The following FGFR1 variants were observed in gnomAD, a reference collection of about 807,000 sequenced individuals.
FGFR1 encodes the protein fibroblast growth factor receptor 1, also known as FGFR1/PLAG1 fusion.
FGFR1 carries 18 observed loss-of-function variants against 93.7 expected under a neutral mutation model. That is an observed-to-expected ratio of 0.19 (90% CI 0.13 to 0.28). FGFR1 has a LOEUF of 0.28. FGFR1 is among the 10% of genes least tolerant of loss of function. The pLI is 1.00. For synonymous variants in FGFR1, 448 were observed against 429.3 expected (o/e 1.04, Z -0.54); for missense variants, 731 against 1,080.4 (o/e 0.68, Z 4.53).
rs764353819 is a variant in FGFR1 at position 38,414,027 on chromosome 8, C to T, written c.2187-4G>A. 2.0e-5 allele frequency: 33 copies of T among 1,613,780 alleles called. No individual in the cohort carries two copies. The highest frequency in any genetic ancestry group is 5.0e-5 in the Admixed American group (3 of 59,972). ...GCAGTCCCGCATCATCATGTACCTG[C>T]GGCAGGACTGTAAGGTCAGGGACGT... is the stretch of plus-strand genomic sequence containing the variant. On this transcript the variant is annotated splice_polypyrimidine_tract_variant and splice_region_variant and intron_variant, in intron 16 of 17. Transcript: ENST00000447712.
At position 38,457,373 on chromosome 8, in the gene FGFR1, G is replaced by A. The variant is rs149206728; in HGVS notation, c.74C>T (p.Pro25Leu). The A allele has an allele frequency of 9.9e-6, 16 of 1,613,490 alleles. No individual in the cohort carries two copies. Among genetic ancestry groups the A allele is most frequent in the African/African-American group, 8.0e-5 (6 of 75,046 alleles). The change falls in exon 2 of 18, where the codon CCG becomes CTG. Residue 25 changes from proline (P) to leucine (L), a missense_variant. Transcript: ENST00000447712. ...CACCTTACCTTGTTCAGGCAAGGTC[G>A]GGGACGGCCTAGCGGTGCAGAGTGT... ...TATLCTARPS[P>L]TLPEQAQPWG...
chr8:38,451,888 T>G (rs1380809983), intron 2 of FGFR1, among the ~76,000 whole-genome samples: 1 of 151,740 alleles, frequency 6.6e-6, no homozygotes, highest in African/African-American at 2.4e-5. Flanking sequence ...GACAGACAAA[T>G]GCACCCTCTG....
chr8:38,422,636 A>C, intron 7 of FGFR1: 1 of 288,658 alleles, frequency 3.5e-6, no homozygotes, highest in South Asian at 7.7e-5. Context: ...TCCTGGCTTC[A>C]AGCGATCCTC....
intron 2 of FGFR1, among the ~76,000 whole-genome samples, chr8:38,455,134 C>T (rs999583057): frequency 1.3e-5 from 2 of 152,052 alleles, no homozygotes; most frequent in Non-Finnish European, 2.9e-5. Context: ...TGCCACCACA[C>T]CTGGCTAATT....
At chr8:38,418,174 T>C in intron 10 of FGFR1, 54 bp downstream of exon 10, 1 of 1,613,376 alleles carries the variant, frequency 6.2e-7, no homozygotes, top group Non-Finnish European at 8.5e-7. Context: ...CTTCCACCAC[T>C]AGAATAGCAA....
rs2150920943 is a variant in FGFR1, at chr8:38,428,105, A to G, written c.449-12T>C. ...ATATGGAGCTACGGCTGCCCGGGGA[A>G]AGCCAAGAGAGACAGGCAGGGTGGA... is the stretch of plus-strand genomic sequence containing the variant. On this transcript the variant is annotated splice_polypyrimidine_tract_variant and intron_variant, in intron 4 of 17. Coordinates refer to ENST00000447712, the MANE Select transcript of FGFR1 (RefSeq NM_023110.3). 1 of 1,613,968 alleles carries G rather than the reference A, an allele frequency of 6.2e-7. No individual in the cohort carries two copies. The highest frequency in any genetic ancestry group is 8.5e-7 in the Non-Finnish European group (1 of 1,180,048).
chr8:38,419,396 A>C, intron 9 of FGFR1, 137 bp downstream of exon 9: 1 of 798,848 alleles, frequency 1.3e-6, no homozygotes, highest in East Asian at 2.6e-5. Flanking sequence ...CACTTAGTTC[A>C]TGATATTCCA....
At chr8:38,457,624 G>A in intron 1 of FGFR1, 90 bp from the exon 2 acceptor site, 2 of 1,331,964 alleles carry the variant, frequency 1.5e-6, no homozygotes, top group South Asian at 1.3e-5. Context: ...CCATGTGGTG[G>A]CTGCTTAAAG....
intron 7 of FGFR1, chr8:38,422,958 G>T: frequency 1.3e-6 from 1 of 758,638 alleles, no homozygotes; most frequent in Non-Finnish European, 2.5e-6. Context: ...TGGCTTCCCC[G>T]CCTGCCCCAG....
chr8:38,452,558 T>C (rs889279064), intron 2 of FGFR1, among the ~76,000 whole-genome samples: 9 of 152,186 alleles, frequency 5.9e-5, no homozygotes, highest in African/African-American at 2.2e-4. Context: ...AGATGGGGTC[T>C]TGCTATGTTG....
chr8:38,439,538 C>T (rs1035463476), intron 2 of FGFR1, among the ~76,000 whole-genome samples: 2 of 152,182 alleles, frequency 1.3e-5, no homozygotes, highest in Admixed American at 6.5e-5. Flanking sequence ...AGGGTCCCGG[C>T]TTTCAAGTCC....
At chr8:38,454,356 A>C (rs1001725827) in intron 2 of FGFR1, among the ~76,000 whole-genome samples, 2 of 152,100 alleles carry the variant, frequency 1.3e-5, no homozygotes, top group African/African-American at 4.8e-5. Context: ...CACATTCTCA[A>C]ACCTCAACTA....
chr8:38,443,801 C>T (rs1828374936), intron 2 of FGFR1, among the ~76,000 whole-genome samples: 2 of 151,758 alleles, frequency 1.3e-5, no homozygotes, highest in African/African-American at 4.8e-5. Context: ...CGCCTGTAAA[C>T]CCAGCACTTT....
intron 2 of FGFR1, among the ~76,000 whole-genome samples, chr8:38,448,613 TA>T (rs913309670): frequency 2.0e-5 from 3 of 152,092 alleles, no homozygotes; most frequent in Non-Finnish European, 4.4e-5. Flanking sequence ...AGACATCTAT[TA>T]AAAACTCCAC....
chr8:38,451,294 G>T (rs1283990286), intron 2 of FGFR1, among the ~76,000 whole-genome samples: 2 of 151,912 alleles, frequency 1.3e-5, no homozygotes, highest in Non-Finnish European at 2.9e-5. Flanking sequence ...GCAGCCTTGG[G>T]ACACAGGACC....
intron 7 of FGFR1, chr8:38,423,312 G>GT (rs58594253): frequency 0.098 from 34,364 of 349,678 alleles, 53 homozygotes; most frequent in South Asian, 0.12. Context: ...TTCCCTTTTA[G>GT]TTTTTTTTTT....
In FGFR1 at chr8:38,427,902, C is replaced by T. The variant is rs945311072; in HGVS notation, c.621+19G>A. On this transcript the variant is annotated intron_variant, in intron 5 of 17. Transcript: ENST00000447712. ...CCCCTGTTCCCATTACTCTAACTTTCGCATGCACACACACGTACCTTGTAG... is the reference window on the plus strand; with the variant it reads ...CCCCTGTTCCCATTACTCTAACTTTTGCATGCACACACACGTACCTTGTAG... 44 of 1,614,046 alleles carry T rather than the reference C, an allele frequency of 2.7e-5. No individual in the cohort carries two copies. The highest frequency in any genetic ancestry group is 1.6e-4 in the Middle Eastern group (1 of 6,084).
chr8:38,415,923 C>A lies in FGFR1; in HGVS notation c.1801G>T (p.Val601Leu). Residue 601 changes from valine to leucine, a missense_variant, in exon 13 of 18, where the codon GTG becomes TTG. Val to Leu is a conservative substitution (Grantham distance 32, BLOSUM62 1). Coordinates refer to ENST00000447712, the MANE Select transcript of FGFR1 (RefSeq NM_023110.3). ...CGGGCCACCTGGTAGGCGCAGGACACCAGGTCCTTGGAGGAGAGCTGCTCC... is the reference window on the plus strand; with the variant it reads ...CGGGCCACCTGGTAGGCGCAGGACAACAGGTCCTTGGAGGAGAGCTGCTCC... The part of the protein sequence containing the change: ...PEEQLSSKDL[V>L]SCAYQVARGM... 6.2e-7 allele frequency: 1 copy of A among 1,614,088 alleles called. No individual in the cohort carries two copies. Among genetic ancestry groups the A allele is most frequent in the Non-Finnish European group, 8.5e-7 (1 of 1,180,028 alleles).
At position 38,446,399 on chromosome 8, in the gene FGFR1, C is replaced by T. The variant is rs568810801; in HGVS notation, c.91+10957G>A. 1.0e-4 allele frequency among the ~76,000 whole-genome samples: 15 copies of T among 150,382 alleles called. 1 individual carries two copies. The South Asian group carries it at 3.2e-3, about 32-fold the overall frequency. ...CTAGTTTTTTGTATTTTAGTAGAAA[C>T]AGGGTTTCACCGTGTTGCCCAGGCT... On this transcript the variant is annotated intron_variant, in intron 2 of 17. Coordinates refer to ENST00000447712, the MANE Select transcript of FGFR1 (RefSeq NM_023110.3).
Sources: allele counts gnomAD v4.1 joint callset (sites outside exome capture counted in the v4.1 genomes callset), GRCh38; gene constraint gnomAD v4.1.1; transcripts MANE v1.5; gene names NCBI Gene and HGNC (gene_info 2026-07-23, HGNC 2026-07-21).